Variants in HS6ST2 observed in about 807,000 individuals in gnomAD.
The protein encoded by HS6ST2 is heparan-sulfate 6-O-sulfotransferase 2.
In HS6ST2, 17 loss-of-function variants were observed where a neutral mutation model predicts 33.0. That is an observed-to-expected ratio of 0.52 (90% confidence interval 0.35 to 0.77). The LOEUF is 0.77. HS6ST2 is among the 30% of genes least tolerant of loss of function. HS6ST2 has a pLI of 0.01. For synonymous variants in HS6ST2, 248 were observed against 237.1 expected, an observed-to-expected ratio of 1.05 and a Z score of -0.42; for missense variants, 519 against 551.7, an observed-to-expected ratio of 0.94 and a Z score of 0.59.
At chrX:132,953,305 AT>A (rs1556510644) in intron 2 of HS6ST2, among the ~76,000 whole-genome samples, 2 of 111,423 alleles carry the variant, frequency 1.8e-5, no homozygotes, top group South Asian at 3.8e-4. Flanking sequence ...CCAATTTCTG[AT>A]TTTTTTTAAA....
intron 2 of HS6ST2, among the ~76,000 whole-genome samples, chrX:132,786,748 A>G (rs2065064997): frequency 9.2e-6 from 1 of 108,769 alleles, no homozygotes; most frequent in African/African-American, 3.4e-5. Context: ...CAGCCTCCCA[A>G]GTAGCTGGGA....
At position 132,829,177 on chromosome X, in the gene HS6ST2, CATAT is replaced by C. The variant is rs71855456; in HGVS notation, c.948-120687_948-120684del. Reference sequence around the variant, plus strand: ...TGTGTTGGATCCTGTAGGTAAGGAACATATATATATATATATATATATACATACT... The same window carrying C: ...TGTGTTGGATCCTGTAGGTAAGGAACATATATATATATATATATACATACT... On this transcript the variant is annotated intron_variant, in intron 2 of 4. Transcript: ENST00000370833. Among the ~76,000 whole-genome samples, 13 of 63,669 alleles carry C rather than the reference CATAT, an allele frequency of 2.0e-4. No individual in the cohort carries two copies. In the South Asian group the frequency reaches 3.7e-3, roughly 18 times the overall value. The allele number at this position is 63,669 out of a possible 115,157, so 55.3% of individuals were successfully genotyped here. A position where few individuals can be genotyped will look rare whatever the true frequency, so the allele number is the denominator to read the frequency against.
At chrX:132,646,154 C>A (rs907368074) in intron 4 of HS6ST2, among the ~76,000 whole-genome samples, 2 of 112,044 alleles carry the variant, frequency 1.8e-5, no homozygotes, top group African/African-American at 6.5e-5. Context: ...ATGGGACAGG[C>A]AACCAGGGCC....
intron 2 of HS6ST2, among the ~76,000 whole-genome samples, chrX:132,795,356 ATTC>A (rs971539474): frequency 9.0e-6 from 1 of 111,480 alleles, no homozygotes; most frequent in Non-Finnish European, 1.9e-5. Context: ...CACCCTCTGC[ATTC>A]TTCTTACCAT....
chrX:132,643,335 A>G (rs1455176671), intron 4 of HS6ST2, among the ~76,000 whole-genome samples: 1 of 110,911 alleles, frequency 9.0e-6, no homozygotes, highest in African/African-American at 3.3e-5. Flanking sequence ...AGAGTGTTCC[A>G]CACCTCCCTC....
intron 2 of HS6ST2, among the ~76,000 whole-genome samples, chrX:132,734,011 G>C (rs780479144): frequency 9.8e-6 from 1 of 101,581 alleles, no homozygotes; most frequent in Non-Finnish European, 2.0e-5. Context: ...AACAGTCTAG[G>C]AATCTTAGAC....
intron 4 of HS6ST2, among the ~76,000 whole-genome samples, chrX:132,637,861 A>AATATTTTAT (rs2063567904): frequency 2.9e-5 from 1 of 34,859 alleles, no homozygotes; most frequent in East Asian, 8.1e-4. Context: ...ATATATATAT[A>AATATTTTAT]ATATATTATA....
At chrX:132,754,566 G>A (rs1309813876) in intron 2 of HS6ST2, among the ~76,000 whole-genome samples, 1 of 109,589 alleles carries the variant, frequency 9.1e-6, no homozygotes, top group Non-Finnish European at 1.9e-5. Context: ...ACAGGTGCCT[G>A]CCACCACGCC....
chrX:132,886,218 T>A (rs1341863999), intron 2 of HS6ST2, among the ~76,000 whole-genome samples: 1 of 111,823 alleles, frequency 8.9e-6, no homozygotes, highest in African/African-American at 3.2e-5. Flanking sequence ...AACAAATTTT[T>A]AAAATCCTCA....
intron 3 of HS6ST2, among the ~76,000 whole-genome samples, chrX:132,679,736 A>G (rs1257728842): frequency 9.2e-6 from 1 of 108,341 alleles, no homozygotes; most frequent in Non-Finnish European, 1.9e-5. Flanking sequence ...CCTCGACCAT[A>G]GAAGACAACC....
chrX:132,918,870 T>C (rs1235148263), intron 2 of HS6ST2, among the ~76,000 whole-genome samples: 1 of 112,152 alleles, frequency 8.9e-6, no homozygotes, highest in Admixed American at 9.5e-5. Flanking sequence ...TCCACACCAC[T>C]TCTTTATGCT....
intron 2 of HS6ST2, among the ~76,000 whole-genome samples, chrX:132,712,229 T>C (rs2064237351): frequency 9.0e-6 from 1 of 111,684 alleles, no homozygotes; most frequent in Non-Finnish European, 1.9e-5. Flanking sequence ...CGTTCTCCCA[T>C]GTAGAATGCC....
At position 132,751,547 on chromosome X, in the gene HS6ST2, A is replaced by AAGG. The variant is rs779760809; in HGVS notation, c.948-43056_948-43054dup. On this transcript the variant is annotated intron_variant, in intron 2 of 4. Transcript: ENST00000370833. Reference sequence around the variant, plus strand: ...GCAAAGAATTTACAGACAGGGGAGGAAGGAGGAGCAAGACTCTGAGCCACT... The same window carrying AAGG: ...GCAAAGAATTTACAGACAGGGGAGGAAGGAGGAGGAGCAAGACTCTGAGCCACT... Among the ~76,000 whole-genome samples the AAGG allele has an allele frequency of 3.5e-4, 39 of 111,897 alleles. No homozygotes were observed. In the South Asian group the frequency reaches 7.5e-3, roughly 22 times the overall value.
intron 4 of HS6ST2, among the ~76,000 whole-genome samples, chrX:132,666,758 CTTCT>C (rs749501930): frequency 8.7e-4 from 97 of 111,931 alleles, no homozygotes; most frequent in Non-Finnish European, 1.6e-3. Context: ...AAGAACCCTC[CTTCT>C]ATCTCCCAGC....
At chrX:132,833,602 G>A (rs762731874) in intron 2 of HS6ST2, among the ~76,000 whole-genome samples, 11 of 110,853 alleles carry the variant, frequency 9.9e-5, no homozygotes, top group Admixed American at 4.8e-4. Flanking sequence ...CAGCAATTAG[G>A]AAACCTGTAA....
chrX:132,771,399 G>A (rs1185530443), intron 2 of HS6ST2, among the ~76,000 whole-genome samples: 1 of 111,725 alleles, frequency 9.0e-6, no homozygotes, highest in Admixed American at 9.6e-5. Flanking sequence ...AGAAGAAGAG[G>A]AGCCAAATCT....
Position 132,645,349 on chromosome X carries a change from C to T in HS6ST2, c.1068-16256G>A, listed in dbSNP as rs757277992. On this transcript the variant is annotated intron_variant, in intron 4 of 4. Coordinates refer to ENST00000370833, the MANE Select transcript of HS6ST2 (RefSeq NM_001394073.1). ...ACCAGCTATTATGCACAGGTAAAGC[C>T]TGCTTCAATAGTCATAATCAGGATA... Among the ~76,000 whole-genome samples, 9 of 112,646 alleles carry T rather than the reference C, an allele frequency of 8.0e-5. No homozygotes were observed. The East Asian group carries it at 2.5e-3, about 31-fold the overall frequency.
At chrX:132,678,702 C>A (rs2063943716) in intron 3 of HS6ST2, among the ~76,000 whole-genome samples, 1 of 112,436 alleles carries the variant, frequency 8.9e-6, no homozygotes, top group Admixed American at 9.4e-5. Context: ...CCAAGTGAAA[C>A]CCAATTGTCA....
intron 2 of HS6ST2, among the ~76,000 whole-genome samples, chrX:132,728,984 G>A (rs2064427031): frequency 2.7e-5 from 3 of 112,328 alleles, no homozygotes; most frequent in African/African-American, 9.7e-5. Context: ...CCCTGGGCAG[G>A]TCAGTCCCAT....
Sources: gnomAD v4.1 joint callset for allele counts (sites outside exome capture counted in the v4.1 genomes callset) on GRCh38, gnomAD v4.1.1 for gene constraint, MANE v1.5 for transcripts, NCBI Gene and HGNC (gene_info 2026-07-23, HGNC 2026-07-21) for gene names.